Variants in GLT1D1 observed in about 807,000 individuals in gnomAD.
The protein encoded by GLT1D1 is glycosyltransferase 1 domain containing 1, also known as glycosyltransferase 1 domain-containing protein 1.
In GLT1D1, 21 loss-of-function variants were observed where a neutral mutation model predicts 28.7. That is an observed-to-expected ratio of 0.73 (90% CI 0.52 to 1.05). GLT1D1 has a LOEUF of 1.05. Among genes scored for constraint, GLT1D1 ranks in the 50% least tolerant of loss-of-function variants. The pLI is 0.00. For synonymous variants in GLT1D1, 147 were observed against 124.8 expected (o/e 1.18, Z -1.19); for missense variants, 343 against 330.6 (o/e 1.04, Z -0.29).
chr12:128,894,668 C>A (rs182905494), intron 3 of GLT1D1, among the ~76,000 whole-genome samples: 2,770 of 151,496 alleles, frequency 0.018, 42 homozygotes, highest in Middle Eastern at 0.048. Context: ...ACATGGTGAA[C>A]CCTCATCTCT....
intron 4 of GLT1D1, among the ~76,000 whole-genome samples, chr12:128,924,426 CAA>C (rs551136651): frequency 7.8e-6 from 1 of 128,944 alleles, no homozygotes. Context: ...GACTTGGTCT[CAA>C]AAAAAAAAAG....
chr12:128,947,222 A>G, intron 5 of GLT1D1, 116 bp from the exon 10 acceptor site: 1 of 1,180,372 alleles, frequency 8.5e-7, no homozygotes, highest in Non-Finnish European at 1.2e-6. Context: ...CGCTTGGTCA[A>G]CAATGCTTAC....
intron 3 of GLT1D1, among the ~76,000 whole-genome samples, chr12:128,889,690 C>T (rs373806709): frequency 2.0e-5 from 3 of 152,334 alleles, no homozygotes; most frequent in East Asian, 3.8e-4. Context: ...TGTCCCCCAG[C>T]GGACTAGCCC....
intron 7 of GLT1D1, among the ~76,000 whole-genome samples, chr12:128,962,729 T>C (rs1407817406): frequency 1.3e-5 from 2 of 152,044 alleles, no homozygotes; most frequent in Non-Finnish European, 2.9e-5. Context: ...TGAGATTGAG[T>C]CTCCCTCTGT....
At chr12:128,860,919 G>A (rs1956348658) in intron 1 of GLT1D1, among the ~76,000 whole-genome samples, 1 of 152,064 alleles carries the variant, frequency 6.6e-6, no homozygotes, top group South Asian at 2.1e-4. Flanking sequence ...AGTTTCTAAC[G>A]GTGAAGTTCA....
intron 4 of GLT1D1, among the ~76,000 whole-genome samples, chr12:128,917,042 G>A (rs111906050): frequency 9.4e-4 from 143 of 152,202 alleles, no homozygotes; most frequent in African/African-American, 3.1e-3. Flanking sequence ...ATGAGGTAGG[G>A]ATCTGTTTTT....
chr12:128,946,416 A>G (rs562990932), intron 5 of GLT1D1, among the ~76,000 whole-genome samples: 61 of 152,036 alleles, frequency 4.0e-4, no homozygotes, highest in Admixed American at 9.2e-4. Flanking sequence ...GCGTGATCTC[A>G]GCTCACTGCA....
intron 7 of GLT1D1, among the ~76,000 whole-genome samples, chr12:128,960,578 AAAACCCTG>A (rs1877829591): frequency 6.6e-6 from 1 of 152,084 alleles, no homozygotes; most frequent in Non-Finnish European, 1.5e-5. Flanking sequence ...GCAAACATGC[AAAACCCTG>A]TCTCTACTAA....
chr12:128,913,640 C>T (rs2135888660), intron 4 of GLT1D1, among the ~76,000 whole-genome samples: 1 of 152,328 alleles, frequency 6.6e-6, no homozygotes, highest in African/African-American at 2.4e-5. Context: ...GAGGCTGAGG[C>T]CAGGCGTTCG....
intron 7 of GLT1D1, among the ~76,000 whole-genome samples, chr12:128,959,280 A>T (rs925014368): frequency 3.3e-5 from 5 of 151,614 alleles, no homozygotes; most frequent in African/African-American, 1.2e-4. Context: ...TTCCTACAGC[A>T]GATGTTTAAT....
chr12:128,953,085 G>A (rs1876899158), intron 6 of GLT1D1, among the ~76,000 whole-genome samples: 1 of 151,858 alleles, frequency 6.6e-6, no homozygotes, highest in African/African-American at 2.4e-5. Flanking sequence ...CCTGGCCCAT[G>A]TTGAGCATCT....
intron 4 of GLT1D1, among the ~76,000 whole-genome samples, chr12:128,940,306 T>G (rs1875061674): frequency 6.6e-6 from 1 of 152,166 alleles, no homozygotes. Flanking sequence ...GAGCATAGTT[T>G]TACGAATTCA....
intron 7 of GLT1D1, among the ~76,000 whole-genome samples, chr12:128,965,071 G>A (rs1318359606): frequency 4.6e-5 from 7 of 152,228 alleles, no homozygotes; most frequent in African/African-American, 1.7e-4. Flanking sequence ...CTGGTGTTCG[G>A]CTGTTATGGT....
intron 4 of GLT1D1, among the ~76,000 whole-genome samples, chr12:128,931,943 C>T (rs1164038403): frequency 1.6e-5 from 2 of 123,018 alleles, no homozygotes; most frequent in African/African-American, 5.9e-5. Context: ...ACACACACAA[C>T]GTTGGCCTTG....
chr12:128,982,188 A>G (rs116757385), intron 7 of GLT1D1, among the ~76,000 whole-genome samples: 1,676 of 152,164 alleles, frequency 0.011, 34 homozygotes, highest in African/African-American at 0.039. Flanking sequence ...AAAAGCAAAG[A>G]GCTGATAAAC....
At chr12:128,881,852 A>C (rs1314592723) in intron 2 of GLT1D1, among the ~76,000 whole-genome samples, 2 of 151,740 alleles carry the variant, frequency 1.3e-5, no homozygotes, top group African/African-American at 4.8e-5. Flanking sequence ...TAGATGGTCT[A>C]TATTTCCTCT....
intron 4 of GLT1D1, among the ~76,000 whole-genome samples, chr12:128,902,088 C>T (rs1870339434): frequency 6.6e-6 from 1 of 151,532 alleles, no homozygotes; most frequent in Non-Finnish European, 1.5e-5. Flanking sequence ...ACTCAGTGAA[C>T]CAGTAGGTTT....
At chr12:128,939,564 C>G (rs1386743558) in intron 4 of GLT1D1, among the ~76,000 whole-genome samples, 5 of 152,020 alleles carry the variant, frequency 3.3e-5, no homozygotes, top group African/African-American at 1.2e-4. Context: ...TTAGTTCTCC[C>G]ACTGCTATAA....
intron 4 of GLT1D1, among the ~76,000 whole-genome samples, chr12:128,931,909 A>ACACGCACG (rs1555270721): frequency 4.2e-5 from 5 of 118,546 alleles, no homozygotes; most frequent in East Asian, 3.7e-4. Flanking sequence ...ATGTGCACAC[A>ACACGCACG]CACGCACGCA....
Sources: allele counts gnomAD v4.1 joint callset (sites outside exome capture counted in the v4.1 genomes callset), GRCh38; gene constraint gnomAD v4.1.1; transcripts MANE v1.5; gene names NCBI Gene and HGNC (gene_info 2026-07-23, HGNC 2026-07-21).